COX7B2: variants seen among roughly 807,000 people sequenced by gnomAD.
COX7B2 encodes cytochrome c oxidase subunit 7B2, mitochondrial.
For missense variants in COX7B2, 109 were observed against 95.9 expected (o/e 1.14, Z -0.57); for synonymous variants, 37 against 32.1 (o/e 1.15, Z -0.51).
intron 2 of COX7B2, among the ~76,000 whole-genome samples, chr4:46,771,301 GA>G (rs1404410716): frequency 2.0e-5 from 3 of 152,090 alleles, no homozygotes; most frequent in Non-Finnish European, 4.4e-5. Context: ...TTATCAAAAG[GA>G]CAAGAGATAA....
intron 1 of COX7B2, among the ~76,000 whole-genome samples, chr4:46,878,181 G>GT (rs1166203265): frequency 7.2e-5 from 11 of 151,966 alleles, no homozygotes; most frequent in South Asian, 2.1e-4. Context: ...ATATGCGGAA[G>GT]TTTTTTTAAA....
intron 2 of COX7B2, among the ~76,000 whole-genome samples, chr4:46,843,420 G>A (rs995854636): frequency 3.9e-5 from 6 of 151,944 alleles, no homozygotes; most frequent in African/African-American, 9.7e-5. Context: ...CTGAGACTCC[G>A]AGAGAGTCAT....
intron 2 of COX7B2, among the ~76,000 whole-genome samples, chr4:46,822,759 G>T (rs113991120): frequency 0.015 from 2,224 of 151,920 alleles, 48 homozygotes; most frequent in African/African-American, 0.05. Context: ...TCTAAAACTA[G>T]ATAAGAAAAG....
In COX7B2 at chr4:46,799,669, T is replaced by C. The variant is rs571579119; in HGVS notation, c.-50+45291A>G. Among the ~76,000 whole-genome samples the C allele has an allele frequency of 4.6e-5, 7 of 151,858 alleles. No homozygotes were observed. The East Asian group carries it at 9.7e-4, about 21-fold the overall frequency. On this transcript the variant is annotated intron_variant, in intron 2 of 2. Coordinates refer to ENST00000355591, the MANE Select transcript of COX7B2 (RefSeq NM_130902.3). ...GTAATGAATCATATTTATTCACTTA[T>C]GCAGTTGAACCTTGCATCACAGGAA...
chr4:46,784,427 C>G (rs1338058061), intron 2 of COX7B2, among the ~76,000 whole-genome samples: 2 of 152,076 alleles, frequency 1.3e-5, no homozygotes, highest in Non-Finnish European at 2.9e-5. Flanking sequence ...GAGTTCGAGA[C>G]CAGCCTGGCC....
chr4:46,863,626 T>G (rs766513386), intron 1 of COX7B2, among the ~76,000 whole-genome samples: 2 of 152,216 alleles, frequency 1.3e-5, no homozygotes, highest in Non-Finnish European at 2.9e-5. Flanking sequence ...ATTCAACTAT[T>G]GTTGTGCCTT....
intron 2 of COX7B2, among the ~76,000 whole-genome samples, chr4:46,780,752 T>C (rs907056490): frequency 6.6e-6 from 1 of 152,178 alleles, no homozygotes; most frequent in East Asian, 1.9e-4. Flanking sequence ...TAACTTTGGC[T>C]CCTATTTTTA....
At chr4:46,832,290 C>T (rs954566067) in intron 2 of COX7B2, among the ~76,000 whole-genome samples, 7 of 152,086 alleles carry the variant, frequency 4.6e-5, no homozygotes, top group Non-Finnish European at 8.8e-5. Flanking sequence ...GAAGAAACTC[C>T]GAACACATCT....
intron 1 of COX7B2, among the ~76,000 whole-genome samples, chr4:46,903,280 G>C (rs1217050574): frequency 6.6e-6 from 1 of 152,112 alleles, no homozygotes; most frequent in Non-Finnish European, 1.5e-5. Context: ...ACATCATGAT[G>C]AATTTATTCT....
chr4:46,837,248 A>C (rs1715575458), intron 2 of COX7B2, among the ~76,000 whole-genome samples: 1 of 150,292 alleles, frequency 6.7e-6, no homozygotes, highest in Non-Finnish European at 1.5e-5. Flanking sequence ...TGAATGGATA[A>C]AATGTAGTAT....
At position 46,894,029 on chromosome 4, in the gene COX7B2, G is replaced by GA. The variant is rs994596571; in HGVS notation, c.-105+15130dup. ...AGAAATCAGTGAAGACAAACAAATG[G>GA]AAAAGCATCTCATACTCATGAATAT... On this transcript the variant is annotated intron_variant, in intron 1 of 2. Coordinates refer to ENST00000355591, the MANE Select transcript of COX7B2 (RefSeq NM_130902.3). Among the ~76,000 whole-genome samples the GA allele has an allele frequency of 5.3e-5, 8 of 152,014 alleles. 2 individuals are homozygous for GA. Among genetic ancestry groups the GA allele is most frequent in the Admixed American group, 1.3e-4 (2 of 15,240 alleles).
At chr4:46,813,804 G>A (rs1266945027) in intron 2 of COX7B2, among the ~76,000 whole-genome samples, 8 of 152,064 alleles carry the variant, frequency 5.3e-5, no homozygotes, top group African/African-American at 1.9e-4. Context: ...CTGACCAGCA[G>A]TTAATACCCA....
At chr4:46,821,332 T>A (rs1402897834) in intron 2 of COX7B2, among the ~76,000 whole-genome samples, 15 of 152,222 alleles carry the variant, frequency 9.9e-5, no homozygotes, top group Admixed American at 8.5e-4. Context: ...AAATATGGAC[T>A]CTATTTGGCA....
At chr4:46,805,762 T>C (rs921705179) in intron 2 of COX7B2, among the ~76,000 whole-genome samples, 8 of 152,180 alleles carry the variant, frequency 5.3e-5, no homozygotes, top group African/African-American at 1.7e-4. Context: ...ATTTTTGATA[T>C]ACTGTTACTC....
chr4:46,903,977 T>G (rs545577556), intron 1 of COX7B2: 7 of 152,182 alleles, frequency 4.6e-5, no homozygotes, highest in Non-Finnish European at 1.0e-4. Context: ...AGACAAATTT[T>G]TCCTAGCTAC....
intron 2 of COX7B2, among the ~76,000 whole-genome samples, chr4:46,754,728 G>GTGTATA (rs1333586285): frequency 5.0e-5 from 2 of 39,864 alleles, no homozygotes; most frequent in Admixed American, 9.1e-4. Flanking sequence ...GTGTGTGTGT[G>GTGTATA]TATATATATA....
intron 2 of COX7B2, among the ~76,000 whole-genome samples, chr4:46,748,354 T>C (rs949426481): frequency 5.9e-5 from 9 of 152,176 alleles, no homozygotes; most frequent in African/African-American, 2.2e-4. Flanking sequence ...TTTATTTAAC[T>C]GAAGAAAATA....
intron 2 of COX7B2, among the ~76,000 whole-genome samples, chr4:46,746,815 G>A (rs1413160512): frequency 6.6e-6 from 1 of 152,072 alleles, no homozygotes; most frequent in African/African-American, 2.4e-5. Context: ...GCACTACTTT[G>A]TTACTTAAAC....
intron 2 of COX7B2, among the ~76,000 whole-genome samples, chr4:46,755,957 A>G (rs1158837378): frequency 2.0e-5 from 3 of 152,094 alleles, no homozygotes; most frequent in African/African-American, 7.2e-5. Flanking sequence ...ATTATTTAAA[A>G]TAATCTTAAA....
Sources: gnomAD v4.1 joint callset for allele counts (sites outside exome capture counted in the v4.1 genomes callset) on GRCh38, gnomAD v4.1.1 for gene constraint, MANE v1.5 for transcripts, NCBI Gene and HGNC (gene_info 2026-07-23, HGNC 2026-07-21) for gene names.